Variants in WNT1 observed in about 807,000 individuals in gnomAD.
WNT1 encodes Wnt family member 1, also known as proto-oncogene Wnt-1.
A neutral mutation model predicts 21.3 loss-of-function variants in WNT1; 10 were observed. The ratio of observed to expected loss-of-function variants is 0.47; its 90% CI spans 0.29 to 0.80. The LOEUF (loss-of-function observed/expected upper bound fraction) is 0.80, where lower values mean the gene tolerates loss of function less well. WNT1 is among the 30% of genes least tolerant of loss of function. The pLI, the probability that WNT1 is intolerant of heterozygous loss-of-function variation, is 0.09. For missense variants in WNT1, 476 were observed against 534.1 expected (o/e 0.89, Z 1.07); for synonymous variants, 208 against 236.3 (o/e 0.88, Z 1.10).
chr12:48,981,370 C>G lies in WNT1; in HGVS notation c.843C>G (p.His281Gln). 3 of 1,573,164 alleles carry G rather than the reference C, an allele frequency of 1.9e-6. No individual in the cohort carries two copies. The highest frequency in any genetic ancestry group is 2.6e-6 in the Non-Finnish European group (3 of 1,159,102). Residue 281 changes from histidine to glutamine, a missense_variant, in exon 4 of 4, where the codon CAC becomes CAG. By Grantham distance (24) the His-to-Gln change is conservative. Transcript: ENST00000293549. This position sits in a 1 kb window ranked among gnomAD's most constrained non-coding sequence, Gnocchi z 7.4. Reference sequence around the variant, plus strand: ...GCCTGGAGCCGGAAGACCCGGCCCACAAACCGCCCTCCCCCCACGACCTCG... The same window carrying G: ...GCCTGGAGCCGGAAGACCCGGCCCAGAAACCGCCCTCCCCCCACGACCTCG... ...LLRLEPEDPA[H>Q]KPPSPHDLVY...
chr12:48,978,454 C>T lies in WNT1; in HGVS notation c.-197C>T. 1.7e-6 allele frequency: 1 copy of T among 586,796 alleles called. No homozygotes were observed. Among genetic ancestry groups the T allele is most frequent in the Non-Finnish European group, 3.0e-6 (1 of 331,148 alleles). 36.3% of individuals were successfully genotyped at this position (586,796 alleles called of 1,614,324 possible). A position where few individuals can be genotyped will look rare whatever the true frequency, so the allele number is the denominator to read the frequency against. On this transcript the variant is annotated 5_prime_UTR_variant, in exon 1 of 4. Coordinates refer to ENST00000293549, the MANE Select transcript of WNT1 (RefSeq NM_005430.4). The surrounding 1 kb of genome is among the most constrained non-coding windows in gnomAD (Gnocchi z 7.4). ...CAGCCAGCGCCGCAACTATAAGAGG[C>T]GGTGCCGCCCGCCGTGGCCGCCTCA...
chr12:48,981,345 G>C lies in WNT1; in HGVS notation c.818G>C (p.Arg273Pro). 6.4e-7 allele frequency: 1 copy of C among 1,565,812 alleles called. No homozygotes were observed. The highest frequency in any genetic ancestry group is 8.7e-7 in the Non-Finnish European group (1 of 1,155,400). ...SNRASRAELL[R>P]LEPEDPAHKP... ...CGCGCTTCGCGGGCGGAGCTGCTGC[G>C]CCTGGAGCCGGAAGACCCGGCCCAC... The change falls in exon 4 of 4, where the codon CGC (arginine) becomes CCC (proline). Residue 273 changes from arginine (R) to proline (P), a missense_variant. Coordinates refer to ENST00000293549, the MANE Select transcript of WNT1 (RefSeq NM_005430.4). The surrounding 1 kb of genome is among the most constrained non-coding windows in gnomAD (Gnocchi z 7.4).
In WNT1 at chr12:48,978,836, A is replaced by T. The variant is rs1940971025; in HGVS notation, c.104+82A>T. The T allele has an allele frequency of 2.0e-6, 2 of 998,564 alleles. No individual in the cohort carries two copies. Among genetic ancestry groups the T allele is most frequent in the Non-Finnish European group, 2.9e-6 (2 of 698,246 alleles). 61.9% of individuals were successfully genotyped at this position (998,564 alleles called of 1,614,324 possible). ...CCCTACCCAGCTCCCACGCTCTGGG[A>T]TCCGTCTGCCGACAGGCTCCCTCCC... On this transcript the variant is annotated intron_variant, in intron 1 of 3. Transcript: ENST00000293549. The surrounding 1 kb of genome is among the most constrained non-coding windows in gnomAD (Gnocchi z 7.4).
chr12:48,978,572 C>T lies in WNT1; in HGVS notation c.-79C>T. On this transcript the variant is annotated 5_prime_UTR_variant, in exon 1 of 4. Transcript: ENST00000293549. The surrounding 1 kb of genome is among the most constrained non-coding windows in gnomAD (Gnocchi z 7.4). ...CGAACTCTCGCCACTGCCGCCACCG[C>T]CGCGTCCCGTCCCACCGTCGCGGGC... The T allele has an allele frequency of 9.3e-7, 1 of 1,072,058 alleles. No individual in the cohort carries two copies. Among genetic ancestry groups the T allele is most frequent in the Non-Finnish European group, 1.4e-6 (1 of 728,672 alleles). The allele number at this position is 1,072,058 out of a possible 1,614,324, so 66.4% of individuals were successfully genotyped here.
At position 48,982,570 on chromosome 12, in the gene WNT1, A is replaced by T. The variant is rs1456608702; in HGVS notation, c.*930A>T. ...TAGCTATTAGCGGCTCCTCGCCCCC[A>T]CCAGTGTAGCATCTTCCTCTGCAGA... On this transcript the variant is annotated 3_prime_UTR_variant, in exon 4 of 4. Transcript: ENST00000293549. 2.0e-5 allele frequency among the ~76,000 whole-genome samples: 3 copies of T among 151,976 alleles called. No individual in the cohort carries two copies. The highest frequency in any genetic ancestry group is 2.9e-5 in the Non-Finnish European group (2 of 68,002).
rs901620961 is a variant in WNT1 at position 48,982,544 on chromosome 12, G to A, written c.*904G>A. On this transcript the variant is annotated 3_prime_UTR_variant, in exon 4 of 4. Transcript: ENST00000293549. ...CCTGGAATCAGTATTTCCTTCCACTGTAGCTATTAGCGGCTCCTCGCCCCC... is the reference window on the plus strand; with the variant it reads ...CCTGGAATCAGTATTTCCTTCCACTATAGCTATTAGCGGCTCCTCGCCCCC... 7.9e-5 allele frequency among the ~76,000 whole-genome samples: 12 copies of A among 152,068 alleles called. No individual in the cohort carries two copies. Among genetic ancestry groups the A allele is most frequent in the African/African-American group, 2.9e-4 (12 of 41,386 alleles).
chr12:48,982,037 C>A lies in WNT1; in HGVS notation c.*397C>A, dbSNP rs1941023297. Among the ~76,000 whole-genome samples, 2 of 152,208 alleles carry A rather than the reference C, an allele frequency of 1.3e-5. No individual in the cohort carries two copies. Among genetic ancestry groups the A allele is most frequent in the South Asian group, 2.1e-4 (1 of 4,824 alleles). On this transcript the variant is annotated 3_prime_UTR_variant, in exon 4 of 4. Coordinates refer to ENST00000293549, the MANE Select transcript of WNT1 (RefSeq NM_005430.4). ...GCCTCTCTTCTTCCCCTTTGTCCTG[C>A]GTTTTCTCCGGGTCCTCCTAAGTCC...
rs770842572 is a variant in WNT1 at position 48,980,539 on chromosome 12, C to A, written c.474C>A (p.Arg158=). ...IESCTCDYRR[R]GPGGPDWHWG... ...CCTGCACGTGTGACTACCGGCGGCG[C>A]GGCCCCGGGGGCCCCGACTGGCACT... is the stretch of plus-strand genomic sequence containing the variant. The change falls in exon 3 of 4, where the codon CGC becomes CGA. Residue 158 remains arginine (R), a synonymous_variant. Transcript: ENST00000293549. This position sits in a 1 kb window ranked among gnomAD's most constrained non-coding sequence, Gnocchi z 7.0. 1 of 1,613,418 alleles carries A rather than the reference C, an allele frequency of 6.2e-7. No individual in the cohort carries two copies. The highest frequency in any genetic ancestry group is 1.1e-5 in the South Asian group (1 of 91,052).
rs1429400848 is a variant in WNT1 at position 48,979,167 on chromosome 12, A to ATTATC, written c.105-299_105-295dup. On this transcript the variant is annotated intron_variant, in intron 1 of 3. Transcript: ENST00000293549. The surrounding 1 kb of genome is among the most constrained non-coding windows in gnomAD (Gnocchi z 6.0). The stretch of plus-strand genomic sequence containing the variant: ...GGGTGGGCAAGAACTGCAGGCCATG[A>ATTATC]TTATCTCGCTCAGGCTGACCGGAAG... Among the ~76,000 whole-genome samples the ATTATC allele has an allele frequency of 6.6e-6, 1 of 152,154 alleles. No homozygotes were observed. The highest frequency in any genetic ancestry group is 1.5e-5 in the Non-Finnish European group (1 of 68,014).
At position 48,979,784 on chromosome 12, in the gene WNT1, T is replaced by G. The variant is rs1450370042; in HGVS notation, c.358+63T>G. 5.4e-6 allele frequency: 8 copies of G among 1,493,850 alleles called. No homozygotes were observed. The highest frequency in any genetic ancestry group is 1.4e-5 in the African/African-American group (1 of 71,656). 92.5% of individuals were successfully genotyped at this position (1,493,850 alleles called of 1,614,324 possible). ...GAAACGCGGGGTCACCCCCAGGGCA[T>G]GGGCGGGCGAGTTCAGAGAAGGTGT... is the stretch of plus-strand genomic sequence containing the variant. On this transcript the variant is annotated intron_variant, in intron 2 of 3. Coordinates refer to ENST00000293549, the MANE Select transcript of WNT1 (RefSeq NM_005430.4). The surrounding 1 kb of genome is among the most constrained non-coding windows in gnomAD (Gnocchi z 6.0).
rs777059195 is a variant in WNT1 at position 48,981,145 on chromosome 12, C to T, written c.625-7C>T. ...CTGGGACACTCTTTCTTCCCCTATC[C>T]CCGCAGACCGTATTCTCCGAGATGC... On this transcript the variant is annotated splice_polypyrimidine_tract_variant and splice_region_variant and intron_variant, in intron 3 of 3. Transcript: ENST00000293549. The surrounding 1 kb of genome is among the most constrained non-coding windows in gnomAD (Gnocchi z 7.4). 1.2e-6 allele frequency: 2 copies of T among 1,610,548 alleles called. No homozygotes were observed. Among genetic ancestry groups the T allele is most frequent in the East Asian group, 2.2e-5 (1 of 44,478 alleles).
Position 48,981,205 on chromosome 12 carries a change from A to G in WNT1, c.678A>G (p.Ser226=). 1 of 1,612,422 alleles carries G rather than the reference A, an allele frequency of 6.2e-7. No individual in the cohort carries two copies. Among genetic ancestry groups the G allele is most frequent in the Non-Finnish European group, 8.5e-7 (1 of 1,179,606 alleles). ...QECKCHGMSG[S]CTVRTCWMRL... is the part of the protein sequence containing the mutation. Reference sequence around the variant, plus strand: ...GCAAGTGCCACGGGATGTCCGGCTCATGCACGGTGCGCACGTGCTGGATGC... The same window carrying G: ...GCAAGTGCCACGGGATGTCCGGCTCGTGCACGGTGCGCACGTGCTGGATGC... Residue 226 remains serine (S), a synonymous_variant, in exon 4 of 4, where the codon TCA becomes TCG. Transcript: ENST00000293549. The surrounding 1 kb of genome is among the most constrained non-coding windows in gnomAD (Gnocchi z 7.4).
chr12:48,980,547 G>A lies in WNT1; in HGVS notation c.482G>A (p.Gly161Glu), dbSNP rs1940996218. The change falls in exon 3 of 4, where the codon GGG (glycine) becomes GAG (glutamate). Residue 161 changes from glycine (G) to glutamate (E), a missense_variant. Transcript: ENST00000293549. The surrounding 1 kb of genome is among the most constrained non-coding windows in gnomAD (Gnocchi z 7.0). ...TGTGACTACCGGCGGCGCGGCCCCG[G>A]GGGCCCCGACTGGCACTGGGGGGGC... is the stretch of plus-strand genomic sequence containing the variant. ...CTCDYRRRGPGGPDWHWGGCS... is the reference protein window; with the variant it reads ...CTCDYRRRGPEGPDWHWGGCS... 1 of 1,612,888 alleles carries A rather than the reference G, an allele frequency of 6.2e-7. No individual in the cohort carries two copies. Among genetic ancestry groups the A allele is most frequent in the Non-Finnish European group, 8.5e-7 (1 of 1,179,564 alleles).
At position 48,978,413 on chromosome 12, in the gene WNT1, C is replaced by G. The variant is rs2137622381; in HGVS notation, c.-238C>G. 1 of 561,960 alleles carries G rather than the reference C, an allele frequency of 1.8e-6. No individual in the cohort carries two copies. Among genetic ancestry groups the G allele is most frequent in the East Asian group, 3.2e-5 (1 of 31,374 alleles). 34.8% of individuals were successfully genotyped at this position (561,960 alleles called of 1,614,324 possible). A position where few individuals can be genotyped will look rare whatever the true frequency, so the allele number is the denominator to read the frequency against. ...GCCACAGTGCGGCCCGGAGGGGCAGCCTCCTCCCGTCACTTCAGCCAGCGC... is the reference window on the plus strand; with the variant it reads ...GCCACAGTGCGGCCCGGAGGGGCAGGCTCCTCCCGTCACTTCAGCCAGCGC... On this transcript the variant is annotated 5_prime_UTR_variant, in exon 1 of 4. Transcript: ENST00000293549. This position sits in a 1 kb window ranked among gnomAD's most constrained non-coding sequence, Gnocchi z 7.4.
Position 48,980,520 on chromosome 12 carries a change from C to T in WNT1, c.455C>T (p.Thr152Met), listed in dbSNP as rs747833576. The stretch of plus-strand genomic sequence containing the variant: ...TCAGAAGGTTCCATCGAATCCTGCA[C>T]GTGTGACTACCGGCGGCGCGGCCCC... ...SCSEGSIESC[T>M]CDYRRRGPGG... Residue 152 changes from threonine to methionine, a missense_variant, in exon 3 of 4, where the codon ACG becomes ATG. Thr to Met is a moderately conservative substitution (Grantham distance 81). Transcript: ENST00000293549. The surrounding 1 kb of genome is among the most constrained non-coding windows in gnomAD (Gnocchi z 7.0). 3 of 1,614,018 alleles carry T rather than the reference C, an allele frequency of 1.9e-6. No homozygotes were observed. Among genetic ancestry groups the T allele is most frequent in the African/African-American group, 1.3e-5 (1 of 74,944 alleles).
In WNT1 at chr12:48,978,878, C is replaced by A. The variant is rs1181304868; in HGVS notation, c.104+124C>A. ...CTCCCTCCCCGCTCTGACTTCCCTCCGCGACACCGAAGGGCGATCTGGCAT... is the reference window on the plus strand; with the variant it reads ...CTCCCTCCCCGCTCTGACTTCCCTCAGCGACACCGAAGGGCGATCTGGCAT... On this transcript the variant is annotated intron_variant, in intron 1 of 3. Coordinates refer to ENST00000293549, the MANE Select transcript of WNT1 (RefSeq NM_005430.4). This position sits in a 1 kb window ranked among gnomAD's most constrained non-coding sequence, Gnocchi z 7.4. The A allele has an allele frequency of 1.5e-6, 1 of 675,794 alleles. No homozygotes were observed. Among genetic ancestry groups the A allele is most frequent in the Non-Finnish European group, 2.4e-6 (1 of 409,780 alleles). The allele number at this position is 675,794 out of a possible 1,614,324, so 41.9% of individuals were successfully genotyped here.
chr12:48,981,412 G>A lies in WNT1; in HGVS notation c.885G>A (p.Ser295=). 1.3e-6 allele frequency: 2 copies of A among 1,580,312 alleles called. No homozygotes were observed. Among genetic ancestry groups the A allele is most frequent in the Non-Finnish European group, 1.7e-6 (2 of 1,162,740 alleles). Residue 295 remains serine (S), a synonymous_variant, in exon 4 of 4, where the codon TCG becomes TCA. Coordinates refer to ENST00000293549, the MANE Select transcript of WNT1 (RefSeq NM_005430.4). This position sits in a 1 kb window ranked among gnomAD's most constrained non-coding sequence, Gnocchi z 7.4. ...SPHDLVYFEK[S]PNFCTYSGRL... is the part of the protein sequence containing the mutation. ...ACGACCTCGTCTACTTCGAGAAATC[G>A]CCCAACTTCTGCACGTACAGCGGAC...
chr12:48,980,583 A>G lies in WNT1; in HGVS notation c.518A>G (p.Asn173Ser), dbSNP rs1490248680. 6.2e-7 allele frequency: 1 copy of G among 1,607,220 alleles called. No individual in the cohort carries two copies. The highest frequency in any genetic ancestry group is 8.5e-7 in the Non-Finnish European group (1 of 1,176,958). ...TGGCACTGGGGGGGCTGCAGCGACA[A>G]CATTGACTTCGGCCGCCTCTTCGGC... Reference protein sequence around the residue: ...PDWHWGGCSDNIDFGRLFGRE... With the variant: ...PDWHWGGCSDSIDFGRLFGRE... The change falls in exon 3 of 4, where the codon AAC (asparagine) becomes AGC (serine). Residue 173 changes from asparagine (N) to serine (S), a missense_variant. Asn to Ser is a conservative substitution (Grantham distance 46). Transcript: ENST00000293549. This position sits in a 1 kb window ranked among gnomAD's most constrained non-coding sequence, Gnocchi z 7.0.
rs1367338925 is a variant in WNT1, at chr12:48,980,379, C to T, written c.359-45C>T. 1 of 1,610,780 alleles carries T rather than the reference C, an allele frequency of 6.2e-7. No homozygotes were observed. Among genetic ancestry groups the T allele is most frequent in the African/African-American group, 1.3e-5 (1 of 75,024 alleles). On this transcript the variant is annotated intron_variant, in intron 2 of 3. Transcript: ENST00000293549. This position sits in a 1 kb window ranked among gnomAD's most constrained non-coding sequence, Gnocchi z 7.0. ...AAGCCCTTCATGAGGGTGCTGGCCGCGCCCCGCGTACCCCCTCGCTGATCC... is the reference window on the plus strand; with the variant it reads ...AAGCCCTTCATGAGGGTGCTGGCCGTGCCCCGCGTACCCCCTCGCTGATCC...
Sources: gnomAD v4.1 joint callset for allele counts (sites outside exome capture counted in the v4.1 genomes callset) on GRCh38, gnomAD v4.1.1 for gene constraint, Gnocchi (gnomAD v3.1) non-coding constraint, MANE v1.5 for transcripts, NCBI Gene and HGNC (gene_info 2026-07-23, HGNC 2026-07-21) for gene names.